The following CEMIP variants were observed in gnomAD, a reference collection of about 807,000 sequenced individuals.
The protein encoded by CEMIP is cell migration-inducing and hyaluronan-binding protein.
A neutral mutation model predicts 156.9 loss-of-function variants in CEMIP; 105 were observed. The observed-to-expected ratio is 0.67, with a 90% CI of 0.57 to 0.79. The LOEUF (loss-of-function observed/expected upper bound fraction) is 0.79, where lower values mean the gene tolerates loss of function less well. Ranked by LOEUF, CEMIP falls within the 30% of genes least tolerant of loss-of-function variation. The probability of loss-of-function intolerance (pLI) is 0.00; values close to 1 mark genes in which losing one functional copy is unlikely to be tolerated. For synonymous variants in CEMIP, 676 were observed against 668.4 expected, an observed-to-expected ratio of 1.01 and a Z score of -0.17; for missense variants, 1,457 against 1,769.4, an observed-to-expected ratio of 0.82 and a Z score of 3.17.
At chr15:80,786,156 G>C (rs1454888290) in intron 1 of CEMIP, among the ~76,000 whole-genome samples, 1 of 152,068 alleles carries the variant, frequency 6.6e-6, no homozygotes, top group Non-Finnish European at 1.5e-5. Flanking sequence ...TGAAAACTTC[G>C]GTCCTGGGTC....
At chr15:80,929,720 G>A (rs546238117) in intron 21 of CEMIP, among the ~76,000 whole-genome samples, 31 of 152,338 alleles carry the variant, frequency 2.0e-4, no homozygotes, top group African/African-American at 7.5e-4. Context: ...CATTCTACAC[G>A]GGCACCGTGG....
chr15:80,920,007 T>G (rs542064456), intron 14 of CEMIP, 87 bp from the exon 15 acceptor site: 154 of 1,205,346 alleles, frequency 1.3e-4, no homozygotes, highest in Middle Eastern at 1.9e-4. Context: ...AATGAGCACA[T>G]GAGACTATTT....
chr15:80,796,367 T>C (rs1224982426), intron 1 of CEMIP, among the ~76,000 whole-genome samples: 2 of 152,210 alleles, frequency 1.3e-5, no homozygotes, highest in East Asian at 3.8e-4. Context: ...GGGGCTGCAG[T>C]GAAATCCACT....
At chr15:80,806,163 C>A (rs1896508549) in intron 1 of CEMIP, among the ~76,000 whole-genome samples, 1 of 152,190 alleles carries the variant, frequency 6.6e-6, no homozygotes, top group Non-Finnish European at 1.5e-5. Context: ...ATGCCCATAC[C>A]AACGTATGTC....
chr15:80,922,879 G>A (rs1314997704), intron 17 of CEMIP, among the ~76,000 whole-genome samples: 1 of 152,172 alleles, frequency 6.6e-6, no homozygotes, highest in Non-Finnish European at 1.5e-5. Flanking sequence ...GCTCTTTGTT[G>A]GGGCAGAGGT....
At chr15:80,792,295 G>A (rs1000183617) in intron 1 of CEMIP, among the ~76,000 whole-genome samples, 4 of 152,148 alleles carry the variant, frequency 2.6e-5, no homozygotes, top group African/African-American at 4.8e-5. Context: ...AAAATAAACT[G>A]TTCTCCATAT....
intron 25 of CEMIP, among the ~76,000 whole-genome samples, chr15:80,938,809 C>A (rs60534293): frequency 0.083 from 12,651 of 152,136 alleles, 1,756 homozygotes; most frequent in African/African-American, 0.29. Context: ...AAAGAAATTT[C>A]GTCTAATGTC....
intron 1 of CEMIP, among the ~76,000 whole-genome samples, chr15:80,847,287 G>C (rs1184014143): frequency 7.9e-5 from 12 of 152,174 alleles, no homozygotes; most frequent in Non-Finnish European, 1.6e-4. Flanking sequence ...GACCTTAAGT[G>C]ATCAGCTCAC....
chr15:80,901,095 C>G (rs1362201700), intron 12 of CEMIP: 1 of 391,786 alleles, frequency 2.6e-6, no homozygotes, highest in Non-Finnish European at 5.2e-6. Flanking sequence ...ACTCCCCTCC[C>G]TTGATTTTCC....
At position 80,937,853 on chromosome 15, in the gene CEMIP, C is replaced by G; in HGVS notation, c.3281C>G (p.Ser1094Trp). 2 of 1,614,208 alleles carry G rather than the reference C, an allele frequency of 1.2e-6. No homozygotes were observed. The highest frequency in any genetic ancestry group is 1.7e-6 in the Non-Finnish European group (2 of 1,180,026). Residue 1094 changes from serine to tryptophan, a missense_variant, in exon 25 of 30, where the codon TCG (serine) becomes TGG (tryptophan). Physicochemically the swap from Ser to Trp is radical, Grantham distance 177. Coordinates refer to ENST00000394685, the MANE Select transcript of CEMIP (RefSeq NM_001293298.2). ...YPRGTTFSIL[S>W]DVHNRLLKQT... ...CGAGGCACCACATTCTCCATCCTCT[C>G]GGATGTTCACAATCGCCTGCTGAAG...
intron 12 of CEMIP, among the ~76,000 whole-genome samples, chr15:80,902,672 G>A (rs1337667983): frequency 6.6e-6 from 1 of 152,190 alleles, no homozygotes; most frequent in Non-Finnish European, 1.5e-5. Flanking sequence ...TGGCTGACGG[G>A]AGTCTGATAA....
intron 12 of CEMIP, among the ~76,000 whole-genome samples, chr15:80,900,668 G>A (rs1281663492): frequency 1.4e-5 from 2 of 146,472 alleles, no homozygotes; most frequent in Non-Finnish European, 3.0e-5. Context: ...GTGTCTGTGT[G>A]TGTGTGTGTA....
At chr15:80,880,416 G>A (rs181300892) in intron 5 of CEMIP, among the ~76,000 whole-genome samples, 56 of 152,276 alleles carry the variant, frequency 3.7e-4, no homozygotes, top group African/African-American at 1.3e-3. Flanking sequence ...AGGAAGATTG[G>A]GTTGCTAATG....
At chr15:80,914,505 A>G (rs890658550) in intron 14 of CEMIP, among the ~76,000 whole-genome samples, 6 of 152,168 alleles carry the variant, frequency 3.9e-5, no homozygotes, top group African/African-American at 1.4e-4. Flanking sequence ...TATGGACTGC[A>G]GCCAGTCCCC....
intron 25 of CEMIP, 84 bp from the exon 26 acceptor site, chr15:80,941,765 C>A: frequency 7.8e-7 from 1 of 1,276,810 alleles, no homozygotes; most frequent in Non-Finnish European, 1.1e-6. Flanking sequence ...ATGACCAGCT[C>A]AGAGTAAATG....
At chr15:80,827,421 C>G (rs1897061155) in intron 1 of CEMIP, among the ~76,000 whole-genome samples, 1 of 152,122 alleles carries the variant, frequency 6.6e-6, no homozygotes, top group Non-Finnish European at 1.5e-5. Flanking sequence ...GAGTTTGAGA[C>G]CAGCCTGGCC....
rs534725488 is a variant in CEMIP at position 80,847,860 on chromosome 15, G to T, written c.-175-25678G>T. Among the ~76,000 whole-genome samples the T allele has an allele frequency of 1.2e-4, 18 of 152,346 alleles. No homozygotes were observed. In the East Asian group the frequency reaches 2.1e-3, roughly 18 times the overall value. ...CAGTGTCCCTGCCCACCCAGGAGGA[G>T]CCAGGAGCAGAAGGTGAAACAGTGA... On this transcript the variant is annotated intron_variant, in intron 1 of 29. Coordinates refer to ENST00000394685, the MANE Select transcript of CEMIP (RefSeq NM_001293298.2).
chr15:80,788,370 C>G (rs1178995083), intron 1 of CEMIP, among the ~76,000 whole-genome samples: 3 of 150,668 alleles, frequency 2.0e-5, no homozygotes, highest in African/African-American at 7.3e-5. Context: ...ACTCCGGAGG[C>G]TGAGGAAGGA....
chr15:80,927,920 A>G (rs1276036580), intron 19 of CEMIP, among the ~76,000 whole-genome samples: 1 of 152,184 alleles, frequency 6.6e-6, no homozygotes, highest in Non-Finnish European at 1.5e-5. Context: ...AAAAAGGTCC[A>G]TGTGTCTGAA....
Sources: allele counts gnomAD v4.1 joint callset (sites outside exome capture counted in the v4.1 genomes callset), GRCh38; gene constraint gnomAD v4.1.1; transcripts MANE v1.5; gene names NCBI Gene and HGNC (gene_info 2026-07-23, HGNC 2026-07-21).